Variants in NUBPL observed in about 807,000 individuals in gnomAD.
NUBPL encodes the protein iron-sulfur cluster transfer protein NUBPL.
In NUBPL, 31 loss-of-function variants were observed where a neutral mutation model predicts 45.7. That is an observed-to-expected ratio of 0.68 (90% CI 0.51 to 0.92). The LOEUF (loss-of-function observed/expected upper bound fraction) is 0.92. Ranked by LOEUF, NUBPL falls within the 40% of genes least tolerant of loss-of-function variation. The pLI is 0.00. For missense variants in NUBPL, 401 were observed against 398.7 expected, an observed-to-expected ratio of 1.01 and a Z score of -0.05; for synonymous variants, 144 against 140.9, an observed-to-expected ratio of 1.02 and a Z score of -0.15.
At chr14:31,827,363 A>AC (rs1349881243) in intron 8 of NUBPL, among the ~76,000 whole-genome samples, 4 of 151,804 alleles carry the variant, frequency 2.6e-5, no homozygotes, top group Non-Finnish European at 4.4e-5. Context: ...AAAAAAAAAA[A>AC]AACTGGATGC....
intron 6 of NUBPL, among the ~76,000 whole-genome samples, chr14:31,695,086 G>A (rs1433752762): frequency 1.3e-5 from 2 of 152,176 alleles, no homozygotes; most frequent in African/African-American, 4.8e-5. Flanking sequence ...TGACCATCAG[G>A]TTGGTAATAG....
At chr14:31,596,454 G>A (rs1201208689) in intron 3 of NUBPL, among the ~76,000 whole-genome samples, 1 of 151,744 alleles carries the variant, frequency 6.6e-6, no homozygotes, top group African/African-American at 2.4e-5. Context: ...TAAATTGAAT[G>A]TTGGCTAACT....
chr14:31,688,092 G>GA (rs1034754739), intron 6 of NUBPL, among the ~76,000 whole-genome samples: 3 of 151,872 alleles, frequency 2.0e-5, no homozygotes, highest in Non-Finnish European at 4.4e-5. Context: ...TATTATTCAA[G>GA]AAAAAAATGA....
intron 4 of NUBPL, among the ~76,000 whole-genome samples, chr14:31,610,983 G>C (rs1179598919): frequency 1.3e-5 from 2 of 152,112 alleles, no homozygotes; most frequent in Admixed American, 1.3e-4. Context: ...ATAATGAATG[G>C]AGAAAAACTG....
chr14:31,771,647 C>G (rs1016415049), intron 6 of NUBPL, among the ~76,000 whole-genome samples: 2 of 152,208 alleles, frequency 1.3e-5, no homozygotes, highest in African/African-American at 2.4e-5. Flanking sequence ...TGTAACTTCT[C>G]TAATCCTCAG....
intron 7 of NUBPL, among the ~76,000 whole-genome samples, chr14:31,805,436 A>C (rs2039666761): frequency 6.6e-6 from 1 of 152,224 alleles, no homozygotes; most frequent in Non-Finnish European, 1.5e-5. Flanking sequence ...AAGGAATGTG[A>C]ATCATTCTGT....
chr14:31,622,423 G>A (rs750430462), intron 4 of NUBPL, among the ~76,000 whole-genome samples: 3 of 151,928 alleles, frequency 2.0e-5, no homozygotes, highest in African/African-American at 7.3e-5. Flanking sequence ...GTAATGAGGA[G>A]CGAAATGTTC....
At chr14:31,711,603 T>C (rs2037572266) in intron 6 of NUBPL, among the ~76,000 whole-genome samples, 1 of 152,126 alleles carries the variant, frequency 6.6e-6, no homozygotes, top group Non-Finnish European at 1.5e-5. Flanking sequence ...CCGCAGACCC[T>C]CACGGTGAGT....
intron 6 of NUBPL, among the ~76,000 whole-genome samples, chr14:31,750,366 A>T (rs1213156263): frequency 2.5e-4 from 34 of 135,906 alleles, no homozygotes; most frequent in East Asian, 6.3e-4. Context: ...TTTAATTTTT[A>T]TTTTTTTTAT....
chr14:31,854,231 G>A (rs1201985216), intron 10 of NUBPL, among the ~76,000 whole-genome samples: 2 of 152,176 alleles, frequency 1.3e-5, no homozygotes, highest in East Asian at 1.9e-4. Flanking sequence ...ATAGCGGACA[G>A]TAGGGTCCAA....
intron 10 of NUBPL, among the ~76,000 whole-genome samples, chr14:31,856,263 T>G (rs577840541): frequency 1.3e-5 from 2 of 152,110 alleles, no homozygotes; most frequent in Admixed American, 1.3e-4. Context: ...AGCTATCAGA[T>G]CTCATGAGAT....
intron 7 of NUBPL, among the ~76,000 whole-genome samples, chr14:31,819,001 T>C (rs2039971831): frequency 6.6e-6 from 1 of 152,212 alleles, no homozygotes; most frequent in South Asian, 2.1e-4. Context: ...CATCCAAGAA[T>C]TATTTATATT....
At chr14:31,846,645 A>C (rs1263527389) in intron 9 of NUBPL, 54 bp downstream of exon 9, 9 of 1,602,838 alleles carry the variant, frequency 5.6e-6, no homozygotes, top group Non-Finnish European at 7.7e-6. Flanking sequence ...GAAAGTGGGG[A>C]TGAGGCTTGA....
chr14:31,834,466 A>G (rs187621394), intron 8 of NUBPL, among the ~76,000 whole-genome samples: 7 of 152,300 alleles, frequency 4.6e-5, no homozygotes, highest in East Asian at 1.9e-4. Flanking sequence ...GGCGTGAGCC[A>G]CTGCGCCTGG....
chr14:31,713,233 C>T (rs2037616674), intron 6 of NUBPL, among the ~76,000 whole-genome samples: 1 of 152,092 alleles, frequency 6.6e-6, no homozygotes, highest in Non-Finnish European at 1.5e-5. Flanking sequence ...ACTTGAGTGC[C>T]CTTGAACTCC....
At chr14:31,694,658 G>A (rs2037174302) in intron 6 of NUBPL, among the ~76,000 whole-genome samples, 1 of 152,190 alleles carries the variant, frequency 6.6e-6, no homozygotes, top group Non-Finnish European at 1.5e-5. Context: ...TGGGATTACA[G>A]GTGTGCGCCA....
At chr14:31,843,661 T>G (rs1225738701) in intron 8 of NUBPL, 1 of 152,238 alleles carries the variant, frequency 6.6e-6, no homozygotes, top group Admixed American at 6.6e-5. Flanking sequence ...GACTGGCCTT[T>G]CAGTTCCTTG....
intron 4 of NUBPL, among the ~76,000 whole-genome samples, chr14:31,632,286 G>C (rs1243337766): frequency 1.3e-5 from 2 of 152,128 alleles, no homozygotes; most frequent in African/African-American, 4.8e-5. Context: ...CTGAGAGAGA[G>C]TCTTGTAGAG....
chr14:31,715,938 C>T (rs954664977), intron 6 of NUBPL, among the ~76,000 whole-genome samples: 4 of 152,040 alleles, frequency 2.6e-5, no homozygotes, highest in Admixed American at 6.6e-5. Flanking sequence ...TACATCTGTA[C>T]GGAAATATTT....
Sources: gnomAD v4.1 joint callset for allele counts (sites outside exome capture counted in the v4.1 genomes callset) on GRCh38, gnomAD v4.1.1 for gene constraint, MANE v1.5 for transcripts, NCBI Gene and HGNC (gene_info 2026-07-23, HGNC 2026-07-21) for gene names.